Variants in LUZP2 observed in about 807,000 individuals in gnomAD.
The protein encoded by LUZP2 is leucine zipper protein 2.
Under a neutral mutation model 51.6 loss-of-function variants are expected in LUZP2, and 52 were observed. The ratio of observed to expected loss-of-function variants is 1.01; its 90% CI spans 0.81 to 1.27. The LOEUF is 1.27. LUZP2 is among the 50% of genes most tolerant of loss of function. LUZP2 has a pLI of 0.00. For synonymous variants in LUZP2, 154 were observed against 137.3 expected (o/e 1.12, Z -0.85); for missense variants, 436 against 395.4 (o/e 1.10, Z -0.87).
At chr11:24,533,366 C>A (rs1487134949) in intron 1 of LUZP2, among the ~76,000 whole-genome samples, 1 of 151,274 alleles carries the variant, frequency 6.6e-6, no homozygotes, top group Non-Finnish European at 1.5e-5. Flanking sequence ...CCTACCCATT[C>A]AACTCCCTTT....
At chr11:25,065,760 T>C (rs2134047557) in intron 10 of LUZP2, among the ~76,000 whole-genome samples, 1 of 152,182 alleles carries the variant, frequency 6.6e-6, no homozygotes, top group Middle Eastern at 3.4e-3. Context: ...ACAAAACTTT[T>C]TGTGTTTGTG....
chr11:24,641,979 C>T lies in LUZP2; in HGVS notation c.63-87190C>T, dbSNP rs562579403. ...CACGATTTTGGCTCACTGTAACCTC[C>T]GCCTCCCTCAAGCGATTCTCCTGCC... On this transcript the variant is annotated intron_variant, in intron 1 of 11. Coordinates refer to ENST00000336930, the MANE Select transcript of LUZP2 (RefSeq NM_001009909.4). Among the ~76,000 whole-genome samples, 14 of 151,914 alleles carry T rather than the reference C, an allele frequency of 9.2e-5. No individual in the cohort carries two copies. The East Asian group carries it at 1.2e-3, about 13-fold the overall frequency.
intron 10 of LUZP2, among the ~76,000 whole-genome samples, chr11:25,076,121 T>C (rs1859289713): frequency 6.6e-6 from 1 of 152,114 alleles, no homozygotes; most frequent in African/African-American, 2.4e-5. Context: ...CTTCAGAAGG[T>C]GATCTTCCCA....
At chr11:24,841,832 A>G (rs920770511) in intron 5 of LUZP2, among the ~76,000 whole-genome samples, 1 of 152,120 alleles carries the variant, frequency 6.6e-6, no homozygotes, top group Non-Finnish European at 1.5e-5. Context: ...ACAGACAATG[A>G]GCAAAGGGAC....
intron 1 of LUZP2, among the ~76,000 whole-genome samples, chr11:24,629,032 T>G (rs1350086338): frequency 6.6e-6 from 1 of 152,110 alleles, no homozygotes; most frequent in African/African-American, 2.4e-5. Context: ...ACAAGGTAGT[T>G]AATGCAAACT....
chr11:24,973,319 T>G (rs191017758), intron 7 of LUZP2, among the ~76,000 whole-genome samples: 39 of 150,864 alleles, frequency 2.6e-4, no homozygotes, highest in African/African-American at 8.5e-4. Context: ...GTGTCTTCTC[T>G]CTTTTCTTCT....
At chr11:24,952,498 T>A (rs1237089034) in intron 7 of LUZP2, among the ~76,000 whole-genome samples, 1 of 151,754 alleles carries the variant, frequency 6.6e-6, no homozygotes, top group East Asian at 1.9e-4. Flanking sequence ...GAATTGAGAT[T>A]TCCAGGTGGG....
chr11:24,778,911 A>G (rs912739377), intron 5 of LUZP2, among the ~76,000 whole-genome samples: 1 of 152,200 alleles, frequency 6.6e-6, no homozygotes, highest in Non-Finnish European at 1.5e-5. Flanking sequence ...AACATCAGTA[A>G]TACCTGAGTA....
At chr11:24,660,000 G>T (rs531172706) in intron 1 of LUZP2, among the ~76,000 whole-genome samples, 6 of 152,142 alleles carry the variant, frequency 3.9e-5, no homozygotes, top group African/African-American at 1.4e-4. Context: ...TAACGAAAAA[G>T]ATCCTAGGTG....
At chr11:24,554,357 G>A (rs963133018) in intron 1 of LUZP2, among the ~76,000 whole-genome samples, 1 of 152,024 alleles carries the variant, frequency 6.6e-6, no homozygotes, top group Non-Finnish European at 1.5e-5. Context: ...TATTTGGCAT[G>A]AAAGTAATAA....
intron 7 of LUZP2, among the ~76,000 whole-genome samples, chr11:24,937,141 A>T (rs1199167844): frequency 6.6e-6 from 1 of 152,238 alleles, no homozygotes; most frequent in South Asian, 2.1e-4. Flanking sequence ...GACAAAGAAA[A>T]GCAATTCTAA....
intron 5 of LUZP2, among the ~76,000 whole-genome samples, chr11:24,874,388 C>T (rs1417088098): frequency 6.6e-6 from 1 of 152,084 alleles, no homozygotes; most frequent in Non-Finnish European, 1.5e-5. Context: ...CCACCTCTCA[C>T]AGTGTCGGTG....
chr11:24,663,294 T>A (rs1323115312), intron 1 of LUZP2, among the ~76,000 whole-genome samples: 1 of 152,034 alleles, frequency 6.6e-6, no homozygotes, highest in Non-Finnish European at 1.5e-5. Context: ...TAAAAGTTGT[T>A]TGTGGCACTT....
intron 1 of LUZP2, among the ~76,000 whole-genome samples, chr11:24,526,457 CT>C (rs3077900): frequency 1.9e-3 from 285 of 147,578 alleles, no homozygotes; most frequent in African/African-American, 6.5e-3. Context: ...ACTCTCTACT[CT>C]TTTTTTTTTT....
intron 1 of LUZP2, among the ~76,000 whole-genome samples, chr11:24,615,901 T>G (rs1854268286): frequency 6.6e-6 from 1 of 151,584 alleles, no homozygotes; most frequent in African/African-American, 2.4e-5. Flanking sequence ...AATTTGCATT[T>G]CCCTGATGGA....
At chr11:25,010,542 C>T (rs2133957115) in intron 9 of LUZP2, among the ~76,000 whole-genome samples, 1 of 150,952 alleles carries the variant, frequency 6.6e-6, no homozygotes, top group African/African-American at 2.4e-5. Context: ...AGCAAGAGTC[C>T]ATCTCAGTAA....
Position 24,541,257 on chromosome 11 carries a change from GAAAAAAAA to G in LUZP2, c.62+43965_62+43972del, listed in dbSNP as rs3077907. 3.5e-5 allele frequency among the ~76,000 whole-genome samples: 4 copies of G among 114,210 alleles called. No homozygotes were observed. In the East Asian group the frequency reaches 8.2e-4, roughly 23 times the overall value. 74.9% of individuals were successfully genotyped at this position (114,210 alleles called of 152,430 possible). A position where few individuals can be genotyped will look rare whatever the true frequency, so the allele number is the denominator to read the frequency against. On this transcript the variant is annotated intron_variant, in intron 1 of 11. Coordinates refer to ENST00000336930, the MANE Select transcript of LUZP2 (RefSeq NM_001009909.4). ...GACAAGAGAGAGACTTCATCTCAAGGAAAAAAAAAAAAAAAAAAAAGGAGTGAGGTGAT... is the reference window on the plus strand; with the variant it reads ...GACAAGAGAGAGACTTCATCTCAAGGAAAAAAAAAAAAGGAGTGAGGTGAT...
At chr11:24,638,276 C>G (rs1022326733) in intron 1 of LUZP2, among the ~76,000 whole-genome samples, 1 of 151,218 alleles carries the variant, frequency 6.6e-6, no homozygotes, top group African/African-American at 2.4e-5. Flanking sequence ...GTTATAAAAT[C>G]GATTATACAT....
chr11:25,003,653 G>A (rs1411163944), intron 9 of LUZP2, among the ~76,000 whole-genome samples: 1 of 152,152 alleles, frequency 6.6e-6, no homozygotes, highest in African/African-American at 2.4e-5. Flanking sequence ...CAGGCCTTAA[G>A]GGATATTGCC....
Sources: allele counts gnomAD v4.1 joint callset (sites outside exome capture counted in the v4.1 genomes callset), GRCh38; gene constraint gnomAD v4.1.1; transcripts MANE v1.5; gene names NCBI Gene and HGNC (gene_info 2026-07-23, HGNC 2026-07-21).